Variants in RPS6KA2 observed in about 807,000 individuals in gnomAD.
The protein encoded by RPS6KA2 is ribosomal protein S6 kinase alpha-2.
Under a neutral mutation model 91.8 loss-of-function variants are expected in RPS6KA2, and 42 were observed. That is an observed-to-expected ratio of 0.46 (90% confidence interval 0.36 to 0.59). The LOEUF (loss-of-function observed/expected upper bound fraction) is 0.59. RPS6KA2 is among the 20% of genes least tolerant of loss of function. The pLI, the probability that RPS6KA2 is intolerant of heterozygous loss-of-function variation, is 0.00. For missense variants in RPS6KA2, 798 were observed against 978.5 expected, an observed-to-expected ratio of 0.82 and a Z score of 2.46; for synonymous variants, 414 against 393.6, an observed-to-expected ratio of 1.05 and a Z score of -0.61.
At chr6:166,834,477 G>T (rs1217312583) in intron 2 of RPS6KA2, among the ~76,000 whole-genome samples, 2 of 152,078 alleles carry the variant, frequency 1.3e-5, no homozygotes, top group African/African-American at 4.8e-5. Flanking sequence ...GTAGAGGGTG[G>T]GAGGAGAGAG....
intron 2 of RPS6KA2, among the ~76,000 whole-genome samples, chr6:166,842,838 A>G (rs921668169): frequency 6.6e-6 from 1 of 152,232 alleles, no homozygotes; most frequent in Non-Finnish European, 1.5e-5. Flanking sequence ...AGAGACCCAC[A>G]TCGTGAACTT....
At chr6:166,530,438 C>A (rs1783229946) in intron 3 of RPS6KA2, among the ~76,000 whole-genome samples, 1 of 152,228 alleles carries the variant, frequency 6.6e-6, no homozygotes, top group Non-Finnish European at 1.5e-5. Flanking sequence ...AGGAAGCCTG[C>A]CTCTCACCGT....
At chr6:166,652,292 C>T (rs370851443) in intron 2 of RPS6KA2, among the ~76,000 whole-genome samples, 66 of 152,184 alleles carry the variant, frequency 4.3e-4, no homozygotes, top group African/African-American at 1.5e-3. Flanking sequence ...GTTTTATTTC[C>T]CAGTTCACAA....
At chr6:166,534,887 C>T (rs900045429) in intron 2 of RPS6KA2, among the ~76,000 whole-genome samples, 1 of 152,202 alleles carries the variant, frequency 6.6e-6, no homozygotes, top group Non-Finnish European at 1.5e-5. Context: ...CACCTTGAGA[C>T]GAGCAGCAAA....
chr6:166,620,877 G>A (rs1464280256), intron 1 of RPS6KA2, among the ~76,000 whole-genome samples: 1 of 152,230 alleles, frequency 6.6e-6, no homozygotes, highest in Non-Finnish European at 1.5e-5. Flanking sequence ...GAACACTAGG[G>A]CAGTGTGAGG....
chr6:166,845,294 G>A (rs889684493), intron 2 of RPS6KA2, among the ~76,000 whole-genome samples: 1 of 152,122 alleles, frequency 6.6e-6, no homozygotes, highest in Non-Finnish European at 1.5e-5. Flanking sequence ...GACAGCACTA[G>A]ACAGGTCATC....
At chr6:166,431,861 C>CAAGTGATCTGCCTGCCTACGCCTCCCA (rs1175408676) in intron 15 of RPS6KA2, among the ~76,000 whole-genome samples, 30 of 152,286 alleles carry the variant, frequency 2.0e-4, no homozygotes, top group Non-Finnish European at 2.8e-4. Context: ...CAGGAGACCT[C>CAAGTGATCTGCCTGCCTACGCCTCCCA]AAGTGATCTG....
intron 2 of RPS6KA2, among the ~76,000 whole-genome samples, chr6:166,850,818 C>T (rs9348195): frequency 0.55 from 84,162 of 151,896 alleles, 26,890 homozygotes; most frequent in Middle Eastern, 0.74. Flanking sequence ...GGACAGACAA[C>T]GTGGCCAGCA....
chr6:166,480,898 C>A (rs750194475), intron 10 of RPS6KA2, among the ~76,000 whole-genome samples: 8 of 152,220 alleles, frequency 5.3e-5, no homozygotes, highest in African/African-American at 1.9e-4. Context: ...GATCCACACG[C>A]CTCGGCTGGG....
intron 3 of RPS6KA2, among the ~76,000 whole-genome samples, chr6:166,517,228 C>A (rs993211252): frequency 6.6e-6 from 1 of 152,152 alleles, no homozygotes; most frequent in Non-Finnish European, 1.5e-5. Context: ...GGCACAGTGG[C>A]TCATACCTGT....
Position 166,832,036 on chromosome 6 carries a change from T to TGATAGATAGATA in RPS6KA2, c.123+26152_123+26163dup, listed in dbSNP as rs58214863. ...TATACATACATGTATAGATGATACATGATAGATAGATAGATAGATAGATAG... is the reference window on the plus strand; with the variant it reads ...TATACATACATGTATAGATGATACATGATAGATAGATAGATAGATAGATAGATAGATAGATAG... On this transcript the variant is annotated intron_variant, in intron 2 of 21. Transcript: ENST00000503859. Among the ~76,000 whole-genome samples, 1,119 of 148,036 alleles carry TGATAGATAGATA rather than the reference T, an allele frequency of 7.6e-3. 9 individuals carry two copies. The highest frequency in any genetic ancestry group is 0.014 in the Middle Eastern group (4 of 290).
intron 10 of RPS6KA2, among the ~76,000 whole-genome samples, chr6:166,487,686 G>A (rs556257815): frequency 1.3e-5 from 2 of 152,368 alleles, no homozygotes; most frequent in Non-Finnish European, 2.9e-5. Flanking sequence ...ATGTAAATGT[G>A]TTTAATTAGG....
chr6:166,792,042 C>CA (rs899129024), intron 2 of RPS6KA2, among the ~76,000 whole-genome samples: 61 of 145,238 alleles, frequency 4.2e-4, no homozygotes, highest in East Asian at 1.2e-3. Context: ...GATCGAGACA[C>CA]AAAAAAAAAA....
chr6:166,777,676 TCA>T (rs1778661181), intron 2 of RPS6KA2, among the ~76,000 whole-genome samples: 1 of 152,212 alleles, frequency 6.6e-6, no homozygotes. Context: ...CTGCTACGGT[TCA>T]CAGATAGTAT....
intron 2 of RPS6KA2, among the ~76,000 whole-genome samples, chr6:166,685,528 T>C (rs1386550015): frequency 6.6e-6 from 1 of 152,242 alleles, no homozygotes; most frequent in African/African-American, 2.4e-5. Context: ...GGTGAACTGA[T>C]GGATTCATAG....
chr6:166,688,762 G>C (rs147522857), intron 2 of RPS6KA2, among the ~76,000 whole-genome samples: 12 of 152,316 alleles, frequency 7.9e-5, no homozygotes, highest in Middle Eastern at 3.4e-3. Context: ...ACCCCGCATG[G>C]GGGCAGCCTG....
At chr6:166,735,312 T>A (rs1409568842) in intron 2 of RPS6KA2, among the ~76,000 whole-genome samples, 2 of 152,146 alleles carry the variant, frequency 1.3e-5, no homozygotes, top group African/African-American at 4.8e-5. Flanking sequence ...ACATCTATAG[T>A]AGGAATTGAC....
At chr6:166,501,734 C>T (rs958102097) in intron 6 of RPS6KA2, among the ~76,000 whole-genome samples, 1 of 152,222 alleles carries the variant, frequency 6.6e-6, no homozygotes, top group African/African-American at 2.4e-5. Flanking sequence ...TGGCCCTAAA[C>T]TTTCCCCATT....
chr6:166,710,197 GATTCC>G (rs1378824218), intron 2 of RPS6KA2, among the ~76,000 whole-genome samples: 3 of 152,134 alleles, frequency 2.0e-5, no homozygotes, highest in African/African-American at 7.2e-5. Flanking sequence ...ACATCTGAAA[GATTCC>G]ATTCAATTTT....
Sources: allele counts gnomAD v4.1 joint callset (sites outside exome capture counted in the v4.1 genomes callset), GRCh38; gene constraint gnomAD v4.1.1; transcripts MANE v1.5; gene names NCBI Gene and HGNC (gene_info 2026-07-23, HGNC 2026-07-21).